The following RHBDD1 variants were observed in gnomAD, a reference collection of about 807,000 sequenced individuals.
The protein encoded by RHBDD1 is rhomboid domain containing 1.
RHBDD1 carries 38 observed loss-of-function variants against 36.3 expected under a neutral mutation model. That is an observed-to-expected ratio of 1.05 (90% confidence interval 0.81 to 1.37). The LOEUF is 1.37. Among genes scored for constraint, RHBDD1 ranks in the 40% most tolerant of loss-of-function variants. The probability of loss-of-function intolerance (pLI) is 0.00; values close to 1 mark genes in which losing one functional copy is unlikely to be tolerated. For missense variants in RHBDD1, 393 were observed against 377.6 expected (o/e 1.04, Z -0.34); for synonymous variants, 151 against 136.5 (o/e 1.11, Z -0.74).
At chr2:226,888,799 C>A (rs577984160) in intron 5 of RHBDD1, among the ~76,000 whole-genome samples, 1 of 152,208 alleles carries the variant, frequency 6.6e-6, no homozygotes, top group South Asian at 2.1e-4. Context: ...TTGTTTTCCT[C>A]AATCAGGTAT....
intron 8 of RHBDD1, among the ~76,000 whole-genome samples, chr2:226,972,934 A>AC (rs951866978): frequency 1.1e-4 from 17 of 151,496 alleles, no homozygotes; most frequent in Non-Finnish European, 2.2e-4. Flanking sequence ...TGTAGCAAAA[A>AC]AAAAAAAAAA....
At chr2:226,974,955 G>A (rs570606790) in intron 8 of RHBDD1, among the ~76,000 whole-genome samples, 1 of 152,184 alleles carries the variant, frequency 6.6e-6, no homozygotes, top group African/African-American at 2.4e-5. Context: ...TGGCACAGAT[G>A]AGGCCTAGTT....
chr2:226,907,858 T>A (rs943295248), intron 6 of RHBDD1, among the ~76,000 whole-genome samples: 3 of 152,204 alleles, frequency 2.0e-5, no homozygotes, highest in African/African-American at 7.2e-5. Flanking sequence ...ATTGAAAATG[T>A]CCAGTTTTAT....
In RHBDD1 at chr2:226,908,815, C is replaced by G; in HGVS notation, c.656-7C>G. 1 of 1,596,640 alleles carries G rather than the reference C, an allele frequency of 6.3e-7. No individual in the cohort carries two copies. The highest frequency in any genetic ancestry group is 1.7e-5 in the Admixed American group (1 of 59,950). ...GCCATTAAAATGTTTATTTCTTTTA[C>G]GTTTAGGCGGTTTTTCCTCCAGTGT... On this transcript the variant is annotated splice_region_variant and splice_polypyrimidine_tract_variant and intron_variant, in intron 6 of 8. Transcript: ENST00000392062.
At chr2:226,901,200 C>G (rs2125589635) in intron 5 of RHBDD1, among the ~76,000 whole-genome samples, 1 of 152,128 alleles carries the variant, frequency 6.6e-6, no homozygotes, top group African/African-American at 2.4e-5. Context: ...GGCAGGATTT[C>G]CTTATTTTTT....
chr2:226,880,959 A>G (rs1945673576), intron 5 of RHBDD1, among the ~76,000 whole-genome samples: 1 of 152,216 alleles, frequency 6.6e-6, no homozygotes, highest in African/African-American at 2.4e-5. Context: ...ATTCATTTTC[A>G]TACTGCTATA....
chr2:226,886,434 G>C (rs1423938057), intron 5 of RHBDD1, among the ~76,000 whole-genome samples: 5 of 152,150 alleles, frequency 3.3e-5, no homozygotes, highest in African/African-American at 1.2e-4. Flanking sequence ...AGAAGGCAAA[G>C]TGTGGGATTC....
At chr2:226,962,925 T>C (rs898825421) in intron 8 of RHBDD1, among the ~76,000 whole-genome samples, 4 of 152,210 alleles carry the variant, frequency 2.6e-5, no homozygotes, top group African/African-American at 9.6e-5. Flanking sequence ...CAAGTGCTTT[T>C]GTTCTTGAGC....
At chr2:226,847,002 T>C (rs758662785) in intron 3 of RHBDD1, among the ~76,000 whole-genome samples, 28 of 152,324 alleles carry the variant, frequency 1.8e-4, no homozygotes, top group African/African-American at 6.7e-4. Flanking sequence ...TGGAAAGTTG[T>C]TAACTGCACA....
chr2:226,966,000 T>C (rs985371949), intron 8 of RHBDD1, among the ~76,000 whole-genome samples: 3 of 151,974 alleles, frequency 2.0e-5, no homozygotes, highest in African/African-American at 7.3e-5. Context: ...AAACTGAATA[T>C]AGCAGCACAT....
intron 7 of RHBDD1, among the ~76,000 whole-genome samples, chr2:226,912,752 G>A (rs926195082): frequency 1.3e-5 from 2 of 151,990 alleles, no homozygotes; most frequent in South Asian, 4.1e-4. Flanking sequence ...TTTCTTTTTG[G>A]GGATGATGAA....
At chr2:226,944,070 G>A (rs928791053) in intron 8 of RHBDD1, among the ~76,000 whole-genome samples, 1 of 152,040 alleles carries the variant, frequency 6.6e-6, no homozygotes, top group Non-Finnish European at 1.5e-5. Context: ...TGGTGGTAGC[G>A]ACAGGGGGAA....
At chr2:226,844,638 G>A (rs1398844003) in intron 3 of RHBDD1, among the ~76,000 whole-genome samples, 1 of 152,178 alleles carries the variant, frequency 6.6e-6, no homozygotes, top group South Asian at 2.1e-4. Flanking sequence ...CCTGAATATG[G>A]AACTACTTAA....
intron 5 of RHBDD1, among the ~76,000 whole-genome samples, chr2:226,893,658 G>A (rs1314811287): frequency 6.6e-6 from 1 of 152,216 alleles, no homozygotes; most frequent in East Asian, 1.9e-4. Context: ...TATTTTGTGT[G>A]CTAAGCCAGT....
At chr2:226,909,867 T>C (rs532798671) in intron 7 of RHBDD1, among the ~76,000 whole-genome samples, 1 of 152,230 alleles carries the variant, frequency 6.6e-6, no homozygotes, top group Non-Finnish European at 1.5e-5. Flanking sequence ...TTTCTGTTTA[T>C]ATTAATTGAG....
chr2:226,941,692 A>G (rs1412401844), intron 8 of RHBDD1, among the ~76,000 whole-genome samples: 1 of 152,324 alleles, frequency 6.6e-6, no homozygotes, highest in East Asian at 1.9e-4. Flanking sequence ...TTTATACACT[A>G]TGGAAAATAC....
Position 226,995,763 on chromosome 2 carries a change from A to AAGAGGGG in RHBDD1, c.*241_*242insAGAGGGG. Reference sequence around the variant, plus strand: ...TAAACAGGTCACTTCCTCCATGAAGAGACCAGTTTCCACGCTCCCATCTCT... The same window carrying AAGAGGGG: ...TAAACAGGTCACTTCCTCCATGAAGAAGAGGGGGACCAGTTTCCACGCTCCCATCTCT... On this transcript the variant is annotated 3_prime_UTR_variant, in exon 9 of 9. Coordinates refer to ENST00000392062, the MANE Select transcript of RHBDD1 (RefSeq NM_001167608.3). The AAGAGGGG allele has an allele frequency of 2.0e-6, 1 of 511,524 alleles. No homozygotes were observed. The highest frequency in any genetic ancestry group is 3.4e-6 in the Non-Finnish European group (1 of 290,996). 31.7% of individuals were successfully genotyped at this position (511,524 alleles called of 1,614,324 possible).
chr2:226,921,383 G>A (rs947272314), intron 8 of RHBDD1, among the ~76,000 whole-genome samples: 4 of 150,640 alleles, frequency 2.7e-5, no homozygotes, highest in South Asian at 4.2e-4. Context: ...CTATTTTTTC[G>A]TTTTGTTAGC....
chr2:226,881,970 T>C (rs1945778244), intron 5 of RHBDD1, among the ~76,000 whole-genome samples: 1 of 152,236 alleles, frequency 6.6e-6, no homozygotes, highest in African/African-American at 2.4e-5. Flanking sequence ...GTAGTTCTTA[T>C]TAGATTTTAT....
Sources: allele counts gnomAD v4.1 joint callset (sites outside exome capture counted in the v4.1 genomes callset), GRCh38; gene constraint gnomAD v4.1.1; transcripts MANE v1.5; gene names NCBI Gene and HGNC (gene_info 2026-07-23, HGNC 2026-07-21).